Variants in PTPRZ1 observed in about 807,000 individuals in gnomAD.
The protein encoded by PTPRZ1 is protein tyrosine phosphatase receptor type Z1.
Under a neutral mutation model 214.1 loss-of-function variants are expected in PTPRZ1, and 82 were observed. The observed-to-expected ratio is 0.38, with a 90% CI of 0.32 to 0.46. The LOEUF (loss-of-function observed/expected upper bound fraction) is 0.46. PTPRZ1 is among the 20% of genes least tolerant of loss of function. The pLI, the probability that PTPRZ1 is intolerant of heterozygous loss-of-function variation, is 1.00. For missense variants in PTPRZ1, 2,603 were observed against 2,748.7 expected, an observed-to-expected ratio of 0.95 and a Z score of 1.19; for synonymous variants, 945 against 987.9, an observed-to-expected ratio of 0.96 and a Z score of 0.81.
intron 1 of PTPRZ1, among the ~76,000 whole-genome samples, chr7:121,875,578 A>G (rs1290059721): frequency 6.6e-6 from 1 of 152,240 alleles, no homozygotes; most frequent in African/African-American, 2.4e-5. Flanking sequence ...TTTAAAGACT[A>G]TCACAAGCTT....
intron 2 of PTPRZ1, among the ~76,000 whole-genome samples, chr7:121,938,802 T>TGG (rs1796162613): frequency 6.6e-6 from 1 of 152,216 alleles, no homozygotes; most frequent in African/African-American, 2.4e-5. Context: ...ATTAAGCCTC[T>TGG]TACTTTTACT....
chr7:121,930,205 G>A (rs1795882013), intron 2 of PTPRZ1, among the ~76,000 whole-genome samples: 1 of 151,974 alleles, frequency 6.6e-6, no homozygotes, highest in African/African-American at 2.4e-5. Flanking sequence ...TGGGTATGAG[G>A]TAGACCTCTG....
chr7:121,894,624 T>C (rs1794732379), intron 1 of PTPRZ1, among the ~76,000 whole-genome samples: 2 of 152,152 alleles, frequency 1.3e-5, no homozygotes, highest in African/African-American at 4.8e-5. Context: ...TAGGCTCACC[T>C]CAAACTCCTG....
At chr7:121,876,132 G>A (rs1794051770) in intron 1 of PTPRZ1, among the ~76,000 whole-genome samples, 1 of 152,124 alleles carries the variant, frequency 6.6e-6, no homozygotes, top group African/African-American at 2.4e-5. Flanking sequence ...GTTTTGAACT[G>A]GACATAATAG....
chr7:121,995,419 C>T (rs1798103225), intron 8 of PTPRZ1, among the ~76,000 whole-genome samples: 1 of 152,192 alleles, frequency 6.6e-6, no homozygotes. Context: ...ATATTTATTA[C>T]TCTGCTTCGT....
At chr7:122,038,537 A>G (rs1799618881) in intron 18 of PTPRZ1, among the ~76,000 whole-genome samples, 1 of 147,726 alleles carries the variant, frequency 6.8e-6, no homozygotes, top group Non-Finnish European at 1.5e-5. Flanking sequence ...TTTTTTTTAC[A>G]AAAATGATAG....
At chr7:122,025,600 G>A (rs1473590575) in intron 13 of PTPRZ1, among the ~76,000 whole-genome samples, 2 of 152,112 alleles carry the variant, frequency 1.3e-5, no homozygotes, top group Non-Finnish European at 2.9e-5. Flanking sequence ...CAAAGTGCTG[G>A]GATTACAGGC....
chr7:121,976,845 C>A lies in PTPRZ1; in HGVS notation c.613C>A (p.Arg205Ser). 1 of 1,609,868 alleles carries A rather than the reference C, an allele frequency of 6.2e-7. No individual in the cohort carries two copies. The highest frequency in any genetic ancestry group is 1.1e-5 in the South Asian group (1 of 90,468). ...AIIDGVESVS[R>S]FGKQAALDPF... ...TATTGATGGAGTCGAAAGTGTTAGT[C>A]GTTTTGGTAAGCTACTTGGGGAACT... is the stretch of plus-strand genomic sequence containing the variant. The change falls in exon 6 of 30, where the codon CGT (arginine) becomes AGT (serine). Residue 205 changes from arginine to serine, a missense_variant. By Grantham distance (110) the Arg-to-Ser change is moderately radical (BLOSUM62 -1). Coordinates refer to ENST00000393386, the MANE Select transcript of PTPRZ1 (RefSeq NM_002851.3).
intron 1 of PTPRZ1, among the ~76,000 whole-genome samples, chr7:121,880,141 T>A (rs1488345839): frequency 6.6e-6 from 1 of 152,168 alleles, no homozygotes; most frequent in Non-Finnish European, 1.5e-5. Flanking sequence ...AATGGGCTGA[T>A]TGTCTTTGTT....
At chr7:121,984,673 G>A (rs1797714424) in intron 8 of PTPRZ1, among the ~76,000 whole-genome samples, 1 of 151,906 alleles carries the variant, frequency 6.6e-6, no homozygotes, top group South Asian at 2.1e-4. Context: ...AGTTATTAAT[G>A]AATAAGAAGT....
At chr7:121,937,332 GT>G (rs1796115358) in intron 2 of PTPRZ1, among the ~76,000 whole-genome samples, 1 of 152,182 alleles carries the variant, frequency 6.6e-6, no homozygotes, top group African/African-American at 2.4e-5. Flanking sequence ...ACAGGAGACA[GT>G]TGGGGGACTG....
chr7:122,046,758 G>A (rs374913157), intron 23 of PTPRZ1, among the ~76,000 whole-genome samples: 75 of 152,096 alleles, frequency 4.9e-4, no homozygotes, highest in African/African-American at 1.7e-3. Context: ...TTATTTTTAG[G>A]TTACTGGGAG....
intron 15 of PTPRZ1, 103 bp from the exon 16 acceptor site, chr7:122,033,992 A>G (rs1463889917): frequency 3.0e-6 from 3 of 1,002,444 alleles, no homozygotes; most frequent in Non-Finnish European, 4.6e-6. Flanking sequence ...TTGCATGATC[A>G]TAGTTTTCCA....
chr7:122,017,305 T>G (rs1008480578), intron 12 of PTPRZ1, among the ~76,000 whole-genome samples: 1 of 152,126 alleles, frequency 6.6e-6, no homozygotes, highest in Admixed American at 6.6e-5. Context: ...CTCCACAAAA[T>G]AATGGCCAGA....
chr7:122,025,477 G>A (rs1799183550), intron 13 of PTPRZ1, among the ~76,000 whole-genome samples: 1 of 151,752 alleles, frequency 6.6e-6, no homozygotes, highest in African/African-American at 2.4e-5. Context: ...TTACAGGCAT[G>A]TGCCACCATG....
At chr7:121,933,952 GT>G (rs1473237239) in intron 2 of PTPRZ1, among the ~76,000 whole-genome samples, 2 of 152,036 alleles carry the variant, frequency 1.3e-5, no homozygotes, top group Non-Finnish European at 2.9e-5. Context: ...CAATTGAGCA[GT>G]AGAAAAGAGA....
At chr7:121,929,221 T>TAAAAAAAC in intron 2 of PTPRZ1, among the ~76,000 whole-genome samples, 1 of 152,154 alleles carries the variant, frequency 6.6e-6, no homozygotes, top group East Asian at 1.9e-4. Context: ...TATAGTCCTT[T>TAAAAAAAC]TAGACAGTTT....
At chr7:121,974,480 T>TTTG (rs1043496832) in intron 4 of PTPRZ1, among the ~76,000 whole-genome samples, 12 of 151,934 alleles carry the variant, frequency 7.9e-5, no homozygotes, top group South Asian at 2.1e-4. Flanking sequence ...GTATTGGGGT[T>TTTG]TTGTTGTTGT....
At chr7:121,979,836 A>G (rs972523925) in intron 6 of PTPRZ1, among the ~76,000 whole-genome samples, 2 of 152,190 alleles carry the variant, frequency 1.3e-5, no homozygotes, top group Non-Finnish European at 2.9e-5. Flanking sequence ...CAAAATGAAA[A>G]CCACAAACAC....
Sources: allele counts gnomAD v4.1 joint callset (sites outside exome capture counted in the v4.1 genomes callset), GRCh38; gene constraint gnomAD v4.1.1; transcripts MANE v1.5; gene names NCBI Gene and HGNC (gene_info 2026-07-23, HGNC 2026-07-21).